The following SLIT3 variants were observed in gnomAD, a reference collection of about 807,000 sequenced individuals.
SLIT3 encodes the protein slit guidance ligand 3.
SLIT3 carries 68 observed loss-of-function variants against 184.0 expected under a neutral mutation model. That is an observed-to-expected ratio of 0.37 (90% CI 0.30 to 0.45). The LOEUF is 0.45. Ranked by LOEUF, SLIT3 falls within the 20% of genes least tolerant of loss-of-function variation. The pLI, the probability that SLIT3 is intolerant of heterozygous loss-of-function variation, is 1.00. For synonymous variants in SLIT3, 831 were observed against 828.6 expected (o/e 1.00, Z -0.05); for missense variants, 1,707 against 2,026.0 (o/e 0.84, Z 3.02).
chr5:169,073,070 G>A (rs1156863112), intron 4 of SLIT3, among the ~76,000 whole-genome samples: 2 of 152,122 alleles, frequency 1.3e-5, no homozygotes, highest in African/African-American at 2.4e-5. Context: ...AGTGCAAATC[G>A]TGAATCCTTC....
At chr5:168,789,897 G>A in intron 10 of SLIT3, 1 of 411,038 alleles carries the variant, frequency 2.4e-6, no homozygotes, top group Non-Finnish European at 4.3e-6. Flanking sequence ...ACGAGGCTGT[G>A]AACACGTGAA....
At chr5:168,975,923 T>C (rs1367175193) in intron 4 of SLIT3, among the ~76,000 whole-genome samples, 1 of 152,164 alleles carries the variant, frequency 6.6e-6, no homozygotes, top group Non-Finnish European at 1.5e-5. Flanking sequence ...GTACAGAGAT[T>C]AACTTCTACG....
At chr5:169,058,141 C>T (rs568830663) in intron 4 of SLIT3, among the ~76,000 whole-genome samples, 1 of 152,382 alleles carries the variant, frequency 6.6e-6, no homozygotes, top group South Asian at 2.1e-4. Context: ...AAGGTCTTCT[C>T]ACGTGACTTC....
intron 1 of SLIT3, among the ~76,000 whole-genome samples, chr5:169,253,961 G>A (rs889431213): frequency 6.6e-6 from 1 of 152,174 alleles, no homozygotes; most frequent in South Asian, 2.1e-4. Context: ...CAGGGGCTAC[G>A]GAGGAGGGAT....
chr5:169,283,627 G>A (rs762227884), intron 1 of SLIT3, among the ~76,000 whole-genome samples: 6 of 152,180 alleles, frequency 3.9e-5, no homozygotes, highest in African/African-American at 7.2e-5. Flanking sequence ...AACAATGCAT[G>A]TCTACTACAA....
intron 4 of SLIT3, among the ~76,000 whole-genome samples, chr5:168,959,657 C>T (rs963961630): frequency 1.2e-4 from 18 of 152,108 alleles, no homozygotes; most frequent in African/African-American, 3.9e-4. Flanking sequence ...TCCTAAGTGA[C>T]GTGGGAAGAG....
chr5:168,728,446 C>T (rs1263405299), intron 20 of SLIT3, among the ~76,000 whole-genome samples: 2 of 151,922 alleles, frequency 1.3e-5, no homozygotes, highest in Non-Finnish European at 2.9e-5. Context: ...CCACAATTGT[C>T]CAGCAACAGA....
chr5:169,270,337 C>T (rs1033367567), intron 1 of SLIT3, among the ~76,000 whole-genome samples: 2 of 152,180 alleles, frequency 1.3e-5, no homozygotes, highest in African/African-American at 4.8e-5. Flanking sequence ...GGTCAGCAAA[C>T]TACAGCCCAC....
intron 1 of SLIT3, among the ~76,000 whole-genome samples, chr5:169,293,889 G>A (rs146280981): frequency 2.6e-4 from 40 of 152,346 alleles, no homozygotes; most frequent in East Asian, 2.5e-3. Flanking sequence ...ACAGATCACC[G>A]TCCAGGCCTG....
chr5:168,750,489 G>A (rs1388458545), intron 18 of SLIT3, among the ~76,000 whole-genome samples: 1 of 152,194 alleles, frequency 6.6e-6, no homozygotes, highest in Admixed American at 6.5e-5. Context: ...CAGCAATGAA[G>A]GGCTTGAGAG....
At chr5:168,747,228 G>A (rs55716155) in intron 20 of SLIT3, among the ~76,000 whole-genome samples, 25,999 of 152,120 alleles carry the variant, frequency 0.17, 2,391 homozygotes, top group African/African-American at 0.21. Flanking sequence ...TCATGTCTCT[G>A]TCACACTTCT....
intron 4 of SLIT3, among the ~76,000 whole-genome samples, chr5:169,104,307 G>A (rs1760122438): frequency 6.6e-6 from 1 of 152,172 alleles, no homozygotes; most frequent in Admixed American, 6.5e-5. Flanking sequence ...AATGCCTGAA[G>A]AGCAAAGGGG....
intron 4 of SLIT3, among the ~76,000 whole-genome samples, chr5:168,933,517 G>T (rs186183987): frequency 6.6e-6 from 1 of 150,828 alleles, no homozygotes; most frequent in East Asian, 2.0e-4. Context: ...ACTCCACCTG[G>T]GTGACAGAAC....
intron 31 of SLIT3, 54 bp downstream of exon 31, chr5:168,685,633 A>G (rs1761717901): frequency 1.3e-6 from 2 of 1,500,880 alleles, no homozygotes. Context: ...CTGAACTATC[A>G]GAGCTTGTGG....
At chr5:169,172,797 C>T (rs191093217) in intron 4 of SLIT3, among the ~76,000 whole-genome samples, 207 of 152,244 alleles carry the variant, frequency 1.4e-3, no homozygotes, top group African/African-American at 4.8e-3. Flanking sequence ...AAATACAATT[C>T]CCCGCTCACA....
chr5:168,948,259 T>C (rs1002525257), intron 4 of SLIT3, among the ~76,000 whole-genome samples: 2 of 152,106 alleles, frequency 1.3e-5, no homozygotes, highest in African/African-American at 4.8e-5. Context: ...GCTTGCCCAC[T>C]ATTAATAGTC....
At chr5:169,119,691 G>A (rs780457784) in intron 4 of SLIT3, among the ~76,000 whole-genome samples, 6 of 152,180 alleles carry the variant, frequency 3.9e-5, no homozygotes, top group Non-Finnish European at 8.8e-5. Context: ...CGTGTCTTTG[G>A]CTAAACACCC....
At chr5:168,857,517 C>T (rs1286275723) in intron 5 of SLIT3, among the ~76,000 whole-genome samples, 2 of 152,122 alleles carry the variant, frequency 1.3e-5, no homozygotes, top group Non-Finnish European at 2.9e-5. Flanking sequence ...TAAAATTTCC[C>T]TATCGGTAAA....
At chr5:168,706,800 C>T (rs1762384287) in intron 26 of SLIT3, 1 of 152,246 alleles carries the variant, frequency 6.6e-6, no homozygotes, top group Non-Finnish European at 1.5e-5. Context: ...TCTAGAAATA[C>T]ATCAGGTAGT....
Sources: allele counts gnomAD v4.1 joint callset (sites outside exome capture counted in the v4.1 genomes callset), GRCh38; gene constraint gnomAD v4.1.1; transcripts MANE v1.5; gene names NCBI Gene and HGNC (gene_info 2026-07-23, HGNC 2026-07-21).